Variants in BMAL1 observed in about 807,000 individuals in gnomAD.
BMAL1 encodes basic helix-loop-helix ARNT like 1.
the BMAL1 span, among the ~76,000 whole-genome samples, chr11:13,330,017 A>C: frequency 6.6e-6 from 1 of 152,198 alleles, no homozygotes; most frequent in African/African-American, 2.4e-5. Flanking sequence ...TCAGGGTCTT[A>C]AATGCACACA....
At chr11:13,306,288 G>C in the BMAL1 span, among the ~76,000 whole-genome samples, 34 of 152,254 alleles carry the variant, frequency 2.2e-4, no homozygotes, top group African/African-American at 7.5e-4. Flanking sequence ...AGCCTAGGTG[G>C]CTGCTGCCTG....
the BMAL1 span, among the ~76,000 whole-genome samples, chr11:13,328,163 G>A: frequency 6.6e-6 from 1 of 152,114 alleles, no homozygotes; most frequent in Non-Finnish European, 1.5e-5. Flanking sequence ...CTAGAGGATC[G>A]ACTGGAGAGG....
the BMAL1 span, chr11:13,378,496 G>T: frequency 2.6e-6 from 4 of 1,566,760 alleles, no homozygotes; most frequent in African/African-American, 4.1e-5. Flanking sequence ...CTCAACCCAG[G>T]GAAATTTTTT....
At chr11:13,284,230 GTGTGTATATATATA>G in the BMAL1 span, among the ~76,000 whole-genome samples, 38 of 20,654 alleles carry the variant, frequency 1.8e-3, 6 homozygotes, top group South Asian at 0.011. Flanking sequence ...ATATATATGT[GTGTGTATATATATA>G]TATATATATA....
chr11:13,301,148 G>T, the BMAL1 span, among the ~76,000 whole-genome samples: 97 of 152,296 alleles, frequency 6.4e-4, no homozygotes, highest in Non-Finnish European at 1.1e-3. Context: ...TGTTGGCCAG[G>T]ATGGTCTCAA....
chr11:13,347,050 G>A, the BMAL1 span, among the ~76,000 whole-genome samples: 5 of 152,190 alleles, frequency 3.3e-5, no homozygotes, highest in African/African-American at 1.2e-4. Context: ...ATAATGTTAA[G>A]TAAGTGTCAC....
chr11:13,288,416 T>TCTTTCTTTC, the BMAL1 span, among the ~76,000 whole-genome samples: 1 of 16,096 alleles, frequency 6.2e-5, no homozygotes, highest in African/African-American at 1.4e-4. Flanking sequence ...CTTTCTTTCT[T>TCTTTCTTTC]TTTTTTTCTT....
chr11:13,277,851 C>A, the BMAL1 span: 1 of 152,140 alleles, frequency 6.6e-6, no homozygotes, highest in Non-Finnish European at 1.5e-5. Flanking sequence ...TGTTTACCCG[C>A]GCCGGACTCA....
chr11:13,354,983 T>C, the BMAL1 span: 1 of 351,454 alleles, frequency 2.8e-6, no homozygotes. Context: ...TTTTTGTTTA[T>C]TTTTAGACTT....
chr11:13,348,526 G>T, the BMAL1 span, among the ~76,000 whole-genome samples: 1 of 152,072 alleles, frequency 6.6e-6, no homozygotes, highest in Non-Finnish European at 1.5e-5. Context: ...GGGGCTGTGG[G>T]GTGTGGGAGG....
the BMAL1 span, among the ~76,000 whole-genome samples, chr11:13,371,890 C>T: frequency 1.3e-5 from 2 of 152,128 alleles, no homozygotes; most frequent in Non-Finnish European, 2.9e-5. Flanking sequence ...TTGGGGGAGC[C>T]TTCCTCTCCC....
At chr11:13,284,122 GTGTGTGTATATATATATATA>G in the BMAL1 span, among the ~76,000 whole-genome samples, 2 of 81,456 alleles carry the variant, frequency 2.5e-5, no homozygotes, top group African/African-American at 9.6e-5. Context: ...ATATATATGT[GTGTGTGTATATATATATATA>G]TGTGTATATA....
chr11:13,374,223 AT>A, the BMAL1 span: 1 of 1,602,584 alleles, frequency 6.2e-7, no homozygotes, highest in African/African-American at 1.3e-5. Flanking sequence ...TGTATGAAAG[AT>A]CTTAAGTTGA....
chr11:13,382,538 G>A, the BMAL1 span, among the ~76,000 whole-genome samples: 1 of 142,890 alleles, frequency 7.0e-6, no homozygotes, highest in Non-Finnish European at 1.5e-5. Context: ...CACACTGCTT[G>A]CCAGCTGTCT....
At chr11:13,359,160 G>A in the BMAL1 span, among the ~76,000 whole-genome samples, 4 of 152,180 alleles carry the variant, frequency 2.6e-5, no homozygotes, top group African/African-American at 9.7e-5. Flanking sequence ...CTGAGTGTGG[G>A]GAGGGTGAGA....
the BMAL1 span, among the ~76,000 whole-genome samples, chr11:13,320,422 T>C: frequency 1.6e-4 from 25 of 152,296 alleles, no homozygotes; most frequent in African/African-American, 6.0e-4. Flanking sequence ...TCTGGCATAG[T>C]GGTAAGAGGC....
chr11:13,354,660 C>T, the BMAL1 span: 6 of 562,970 alleles, frequency 1.1e-5, no homozygotes, highest in African/African-American at 7.6e-5. Flanking sequence ...ATTTAACTTC[C>T]ACTTCCTGTC....
chr11:13,354,215 A>AC, the BMAL1 span: 25 of 1,104,422 alleles, frequency 2.3e-5, no homozygotes, highest in South Asian at 1.1e-4. Flanking sequence ...CCACCACCAA[A>AC]CCCCCAAGCA....
chr11:13,291,701 C>T, the BMAL1 span, among the ~76,000 whole-genome samples: 4 of 151,726 alleles, frequency 2.6e-5, no homozygotes, highest in African/African-American at 4.8e-5. Flanking sequence ...ATTTAGAAGT[C>T]GGCAGGAATT....
Sources: gnomAD v4.1 joint callset for allele counts (sites outside exome capture counted in the v4.1 genomes callset) on GRCh38, gnomAD v4.1.1 for gene constraint, MANE v1.5 for transcripts, NCBI Gene and HGNC (gene_info 2026-07-23, HGNC 2026-07-21) for gene names.